The following ADAMTSL1 variants were observed in gnomAD, a reference collection of about 807,000 sequenced individuals.
ADAMTSL1 encodes the protein ADAMTS-like protein 1.
In ADAMTSL1, 126 loss-of-function variants were observed where a neutral mutation model predicts 201.8. The ratio of observed to expected loss-of-function variants is 0.62; its 90% CI spans 0.54 to 0.72. ADAMTSL1 has a LOEUF of 0.72. Ranked by LOEUF, ADAMTSL1 falls within the 30% of genes least tolerant of loss-of-function variation. ADAMTSL1 has a pLI of 0.00. For missense variants in ADAMTSL1, 2,679 were observed against 2,277.8 expected, an observed-to-expected ratio of 1.18 and a Z score of -3.59; for synonymous variants, 1,121 against 903.4, an observed-to-expected ratio of 1.24 and a Z score of -4.32.
chr9:18,834,372 T>C (rs59692890), intron 23 of ADAMTSL1, among the ~76,000 whole-genome samples: 5,060 of 152,246 alleles, frequency 0.033, 273 homozygotes, highest in African/African-American at 0.11. Context: ...TGCAGCAGTG[T>C]TTTGCAGTTC....
At chr9:18,195,537 G>GACTTTT (rs1829141908) in intron 2 of ADAMTSL1, among the ~76,000 whole-genome samples, 1 of 152,016 alleles carries the variant, frequency 6.6e-6, no homozygotes, top group Non-Finnish European at 1.5e-5. Context: ...CTGTTTCCAG[G>GACTTTT]GACATAGTCA....
chr9:18,277,713 T>C (rs80063557), intron 2 of ADAMTSL1, among the ~76,000 whole-genome samples: 19,764 of 152,212 alleles, frequency 0.13, 1,360 homozygotes, highest in Middle Eastern at 0.19. Context: ...TAGAACTTTT[T>C]TCAGTCCTTT....
intron 7 of ADAMTSL1, chr9:18,651,569 G>A (rs1003921842): frequency 6.6e-6 from 1 of 152,192 alleles, no homozygotes; most frequent in East Asian, 1.9e-4. Context: ...TTCATGCACT[G>A]ATAACAAGAG....
chr9:18,492,382 A>T lies in ADAMTSL1; in HGVS notation c.64-12447A>T, dbSNP rs78259158. ...AGTATTAAAGAGTAAACTCTTATTA[A>T]TAAAAAGTACAGAGTATAATTTAGC... On this transcript the variant is annotated intron_variant, in intron 1 of 28. Transcript: ENST00000380548. Among the ~76,000 whole-genome samples, 174 of 152,334 alleles carry T rather than the reference A, an allele frequency of 1.1e-3. 2 individuals are homozygous for T. The East Asian group carries it at 0.033, about 29-fold the overall frequency.
intron 1 of ADAMTSL1, among the ~76,000 whole-genome samples, chr9:18,007,518 C>T (rs960843562): frequency 1.3e-5 from 2 of 152,012 alleles, no homozygotes; most frequent in Admixed American, 1.3e-4. Flanking sequence ...CTTTCCTCAT[C>T]CATTTCCTGA....
At chr9:18,056,502 G>T (rs1282337184) in intron 1 of ADAMTSL1, among the ~76,000 whole-genome samples, 1 of 152,078 alleles carries the variant, frequency 6.6e-6, no homozygotes, top group Non-Finnish European at 1.5e-5. Flanking sequence ...AGGGTGACCT[G>T]TTGGCACTCC....
At chr9:18,076,725 C>A (rs1273627816) in intron 1 of ADAMTSL1, among the ~76,000 whole-genome samples, 1 of 151,938 alleles carries the variant, frequency 6.6e-6, no homozygotes, top group Non-Finnish European at 1.5e-5. Context: ...GGCTGGGAGA[C>A]AGGATTTTGT....
chr9:18,732,451 G>A (rs1419113926), intron 15 of ADAMTSL1, among the ~76,000 whole-genome samples: 1 of 152,162 alleles, frequency 6.6e-6, no homozygotes, highest in Non-Finnish European at 1.5e-5. Flanking sequence ...GTACCATAAT[G>A]AGATGATAAA....
At chr9:18,731,249 G>T (rs1282071137) in intron 15 of ADAMTSL1, among the ~76,000 whole-genome samples, 1 of 152,206 alleles carries the variant, frequency 6.6e-6, no homozygotes, top group Non-Finnish European at 1.5e-5. Context: ...GACAGATGTT[G>T]GCTTTCTCAC....
At chr9:18,380,423 A>G (rs1837506185) in intron 2 of ADAMTSL1, among the ~76,000 whole-genome samples, 1 of 152,224 alleles carries the variant, frequency 6.6e-6, no homozygotes. Flanking sequence ...TAAGGGAATA[A>G]AAATTAAGGA....
chr9:18,874,923 A>G (rs903261693), intron 23 of ADAMTSL1, among the ~76,000 whole-genome samples: 1 of 151,414 alleles, frequency 6.6e-6, no homozygotes, highest in African/African-American at 2.4e-5. Context: ...GCAATTTTTT[A>G]TTACCATTTC....
At chr9:18,890,808 G>A (rs1009838983) in intron 25 of ADAMTSL1, 7 of 327,638 alleles carry the variant, frequency 2.1e-5, no homozygotes, top group South Asian at 1.5e-4. Flanking sequence ...CATTCACCAG[G>A]GATATAAGAG....
rs117206235 is a variant in ADAMTSL1, at chr9:18,622,917, T to G, written c.601+548T>G. ...TTGTTTGTTTTTGTTTGTTTTTGAC[T>G]GAGTCTCTCATTCTGTTGCCTAGGC... On this transcript the variant is annotated intron_variant, in intron 5 of 28. Coordinates refer to ENST00000380548, the MANE Select transcript of ADAMTSL1 (RefSeq NM_001040272.6). Among the ~76,000 whole-genome samples, 22 of 152,296 alleles carry G rather than the reference T, an allele frequency of 1.4e-4. No homozygotes were observed. In the East Asian group the frequency reaches 4.2e-3, roughly 29 times the overall value.
At chr9:18,196,346 G>A (rs563125783) in intron 2 of ADAMTSL1, among the ~76,000 whole-genome samples, 7 of 152,022 alleles carry the variant, frequency 4.6e-5, no homozygotes, top group South Asian at 2.1e-4. Context: ...TTACCTCATC[G>A]TAAAAGAGGA....
chr9:18,447,024 CA>C (rs1820218795), intron 2 of ADAMTSL1, among the ~76,000 whole-genome samples: 2 of 151,616 alleles, frequency 1.3e-5, no homozygotes, highest in South Asian at 4.2e-4. Flanking sequence ...GTGAGACAAT[CA>C]CAAAATGTGG....
intron 23 of ADAMTSL1, among the ~76,000 whole-genome samples, chr9:18,834,026 T>C (rs927963923): frequency 6.6e-6 from 1 of 152,194 alleles, no homozygotes. Context: ...CTGGGTTCTC[T>C]ATTCTGTTCC....
intron 2 of ADAMTSL1, among the ~76,000 whole-genome samples, chr9:18,386,988 A>T (rs1443382393): frequency 6.6e-6 from 1 of 152,156 alleles, no homozygotes; most frequent in African/African-American, 2.4e-5. Flanking sequence ...AGTACATACC[A>T]AAGGTCTTAT....
chr9:18,708,250 A>T (rs1832343830), intron 14 of ADAMTSL1, among the ~76,000 whole-genome samples: 1 of 152,390 alleles, frequency 6.6e-6, no homozygotes, highest in African/African-American at 2.4e-5. Flanking sequence ...AAAGGAATGA[A>T]TAGTGGAACA....
At chr9:18,216,875 G>A (rs1057155813) in intron 2 of ADAMTSL1, among the ~76,000 whole-genome samples, 9 of 152,208 alleles carry the variant, frequency 5.9e-5, no homozygotes, top group East Asian at 1.9e-4. Context: ...CACCAGCTAC[G>A]TTGAAATCCT....
Sources: allele counts gnomAD v4.1 joint callset (sites outside exome capture counted in the v4.1 genomes callset), GRCh38; gene constraint gnomAD v4.1.1; transcripts MANE v1.5; gene names NCBI Gene and HGNC (gene_info 2026-07-23, HGNC 2026-07-21).